DENND1B: variants seen among roughly 807,000 people sequenced by gnomAD.
DENND1B encodes DENN domain-containing protein 1B.
A neutral mutation model predicts 90.1 loss-of-function variants in DENND1B; 59 were observed. The ratio of observed to expected loss-of-function variants is 0.65; its 90% CI spans 0.53 to 0.81. The LOEUF (loss-of-function observed/expected upper bound fraction) is 0.81, where lower values mean the gene tolerates loss of function less well. Ranked by LOEUF, DENND1B falls within the 40% of genes least tolerant of loss-of-function variation. The pLI, the probability that DENND1B is intolerant of heterozygous loss-of-function variation, is 0.00. For synonymous variants in DENND1B, 337 were observed against 324.6 expected, an observed-to-expected ratio of 1.04 and a Z score of -0.41; for missense variants, 862 against 912.6, an observed-to-expected ratio of 0.94 and a Z score of 0.71.
At chr1:197,588,673 G>A (rs1300173761) in intron 14 of DENND1B, among the ~76,000 whole-genome samples, 5 of 152,048 alleles carry the variant, frequency 3.3e-5, no homozygotes, top group African/African-American at 1.2e-4. Flanking sequence ...TCATGGGAAT[G>A]TTCAAATATT....
rs149975142 is a variant in DENND1B at position 197,511,146 on chromosome 1, A to C, written c.1816-174T>G. ...GCTCTATTAACAGGGATGAAATGGAATGGACTTTGGTTTCCACTGCCTTGC... is the reference window on the plus strand; with the variant it reads ...GCTCTATTAACAGGGATGAAATGGACTGGACTTTGGTTTCCACTGCCTTGC... On this transcript the variant is annotated intron_variant, in intron 22 of 22. Coordinates refer to ENST00000620048, the MANE Select transcript of DENND1B (RefSeq NM_001195215.2). 2.3e-3 allele frequency among the ~76,000 whole-genome samples: 345 copies of C among 151,936 alleles called. 1 individual carries two copies. The highest frequency in any genetic ancestry group is 7.8e-3 in the African/African-American group (324 of 41,510).
At chr1:197,772,500 T>G (rs1656747028) in intron 2 of DENND1B, among the ~76,000 whole-genome samples, 1 of 152,216 alleles carries the variant, frequency 6.6e-6, no homozygotes, top group Non-Finnish European at 1.5e-5. Context: ...TAACACTTGC[T>G]TTGACAGATT....
chr1:197,541,573 A>T lies in DENND1B; in HGVS notation c.1351-558T>A, dbSNP rs6703515. On this transcript the variant is annotated intron_variant, in intron 18 of 22. Transcript: ENST00000620048. ...GTTTCACAGGGAACCTGGCCCCAGC[A>T]TTTGAGTTTCTCACATCCTGCTGTG... Among the ~76,000 whole-genome samples the T allele has an allele frequency of 5.9e-3, 900 of 152,318 alleles. 13 individuals carry two copies. Among genetic ancestry groups the T allele is most frequent in the African/African-American group, 0.02 (842 of 41,580 alleles).
At chr1:197,546,650 A>G in intron 17 of DENND1B, 83 bp downstream of exon 17, 5 of 1,104,570 alleles carry the variant, frequency 4.5e-6, no homozygotes, top group South Asian at 1.6e-5. Context: ...AATAAACAGC[A>G]TAAGTATAAA....
chr1:197,619,348 C>A (rs944065108), intron 10 of DENND1B, among the ~76,000 whole-genome samples: 1 of 151,104 alleles, frequency 6.6e-6, no homozygotes, highest in Non-Finnish European at 1.5e-5. Flanking sequence ...TCTCCAAGAG[C>A]TCTCAGGTAC....
chr1:197,693,126 A>G (rs928715127), intron 3 of DENND1B, among the ~76,000 whole-genome samples: 5 of 151,640 alleles, frequency 3.3e-5, no homozygotes, highest in African/African-American at 1.2e-4. Flanking sequence ...AGTTAAAACC[A>G]CATGAACTCT....
At chr1:197,741,023 A>G (rs750593888) in intron 2 of DENND1B, among the ~76,000 whole-genome samples, 2 of 152,236 alleles carry the variant, frequency 1.3e-5, no homozygotes, top group African/African-American at 2.4e-5. Context: ...TCAGAAAAGC[A>G]CACAAAGCTT....
intron 14 of DENND1B, among the ~76,000 whole-genome samples, chr1:197,593,231 A>C (rs1675391747): frequency 6.6e-6 from 1 of 151,884 alleles, no homozygotes; most frequent in African/African-American, 2.4e-5. Context: ...CCTAAAAACT[A>C]TCTCTTGTGA....
intron 17 of DENND1B, 93 bp from the exon 18 acceptor site, chr1:197,546,083 G>T: frequency 1.0e-6 from 1 of 1,001,010 alleles, no homozygotes. Flanking sequence ...TTTAAAAAAA[G>T]GGCTTTACTC....
In DENND1B at chr1:197,583,219, A is replaced by C. The variant is rs1674395355; in HGVS notation, c.1082T>G (p.Val361Gly). 3 of 1,613,756 alleles carry C rather than the reference A, an allele frequency of 1.9e-6. No homozygotes were observed. The highest frequency in any genetic ancestry group is 2.5e-6 in the Non-Finnish European group (3 of 1,179,812). Residue 361 changes from valine (V) to glycine (G), a missense_variant, in exon 15 of 23, where the codon GTA becomes GGA. Val to Gly is a moderately radical substitution (Grantham distance 109, BLOSUM62 -3). Transcript: ENST00000620048. ...TTTCATCACGCTTGAGCGGTGCTTT[A>C]CAAAACTCTCCTCACAGAAAGTGAT... Reference protein sequence around the residue: ...EPITFCEESFVKHRSSVMKQF... With the variant: ...EPITFCEESFGKHRSSVMKQF...
At chr1:197,516,341 T>C (rs1433993558) in intron 20 of DENND1B, among the ~76,000 whole-genome samples, 1 of 151,790 alleles carries the variant, frequency 6.6e-6, no homozygotes, top group Non-Finnish European at 1.5e-5. Flanking sequence ...AGTTTATATA[T>C]AAGAAATAAC....
chr1:197,674,096 T>C (rs758683067), intron 4 of DENND1B, 24 bp downstream of exon 4: 2 of 1,527,068 alleles, frequency 1.3e-6, no homozygotes, highest in Non-Finnish European at 1.8e-6. Context: ...TCTACATTTA[T>C]TTTAAATGAT....
intron 15 of DENND1B, among the ~76,000 whole-genome samples, chr1:197,558,127 T>G (rs1671864382): frequency 6.6e-6 from 1 of 151,834 alleles, no homozygotes; most frequent in Non-Finnish European, 1.5e-5. Flanking sequence ...CAAGTAGATT[T>G]TTAAAAGAAC....
intron 2 of DENND1B, among the ~76,000 whole-genome samples, chr1:197,771,076 T>C (rs1231397398): frequency 6.6e-6 from 1 of 151,516 alleles, no homozygotes; most frequent in Non-Finnish European, 1.5e-5. Context: ...CATGCCTGCA[T>C]AATTTTGGTA....
chr1:197,733,073 A>G (rs1662298600), intron 2 of DENND1B, among the ~76,000 whole-genome samples: 2 of 152,200 alleles, frequency 1.3e-5, no homozygotes, highest in African/African-American at 4.8e-5. Context: ...TGGGGAAAAA[A>G]ACAATGAAGA....
chr1:197,573,602 G>A (rs948617278), intron 15 of DENND1B, among the ~76,000 whole-genome samples: 18 of 152,142 alleles, frequency 1.2e-4, no homozygotes, highest in African/African-American at 2.4e-4. Context: ...CTCATTTTAT[G>A]AGGCCAGTAT....
intron 5 of DENND1B, among the ~76,000 whole-genome samples, chr1:197,671,346 G>A (rs115555401): frequency 3.9e-5 from 6 of 152,132 alleles, no homozygotes; most frequent in Non-Finnish European, 7.4e-5. Context: ...AAGTCCACAG[G>A]CAGGAGACAT....
At chr1:197,772,781 T>C in intron 2 of DENND1B, 87 bp downstream of exon 2, 1 of 1,174,438 alleles carries the variant, frequency 8.5e-7, no homozygotes, top group South Asian at 1.5e-5. Context: ...GCCCTGATCA[T>C]GCCACTGCAC....
chr1:197,651,350 A>G (rs1653145092), intron 7 of DENND1B, among the ~76,000 whole-genome samples: 2 of 152,104 alleles, frequency 1.3e-5, no homozygotes, highest in Non-Finnish European at 2.9e-5. Context: ...TTAGATATAG[A>G]TGGTACACTT....
Sources: allele counts gnomAD v4.1 joint callset (sites outside exome capture counted in the v4.1 genomes callset), GRCh38; gene constraint gnomAD v4.1.1; transcripts MANE v1.5; gene names NCBI Gene and HGNC (gene_info 2026-07-23, HGNC 2026-07-21).